NPLOC4: variants seen among roughly 807,000 people sequenced by gnomAD.
The protein encoded by NPLOC4 is nuclear protein localization protein 4 homolog.
In NPLOC4, 18 loss-of-function variants were observed where a neutral mutation model predicts 80.6. The ratio of observed to expected loss-of-function variants is 0.22; its 90% CI spans 0.15 to 0.33. The LOEUF is 0.33. Among genes scored for constraint, NPLOC4 ranks in the 10% least tolerant of loss-of-function variants. The pLI is 1.00. For synonymous variants in NPLOC4, 313 were observed against 301.5 expected, an observed-to-expected ratio of 1.04 and a Z score of -0.39; for missense variants, 540 against 786.1, an observed-to-expected ratio of 0.69 and a Z score of 3.74.
chr17:81,570,255 T>A (rs1253086414), intron 13 of NPLOC4, among the ~76,000 whole-genome samples: 1 of 152,240 alleles, frequency 6.6e-6, no homozygotes, highest in South Asian at 2.1e-4. Flanking sequence ...TTAGGGATCC[T>A]GGGCCTCACT....
At chr17:81,606,299 C>T (rs75697204) in intron 7 of NPLOC4, among the ~76,000 whole-genome samples, 7 of 152,190 alleles carry the variant, frequency 4.6e-5, no homozygotes, top group Non-Finnish European at 7.4e-5. Context: ...CCAGAAAGGC[C>T]GGAACGCTCC....
chr17:81,558,938 C>T lies in NPLOC4; in HGVS notation c.*321G>A, dbSNP rs550263435. On this transcript the variant is annotated 3_prime_UTR_variant, in exon 17 of 17. Coordinates refer to ENST00000331134, the MANE Select transcript of NPLOC4 (RefSeq NM_017921.4). ...GGCAGCATCGGCCCCTCCCTGTGCG[C>T]CCCAATTCCAGGTGCCACGTAGAGG... 47 of 246,124 alleles carry T rather than the reference C, an allele frequency of 1.9e-4. No individual in the cohort carries two copies. Among genetic ancestry groups the T allele is most frequent in the South Asian group, 2.4e-4 (2 of 8,184 alleles). 15.2% of individuals were successfully genotyped at this position (246,124 alleles called of 1,614,324 possible). A position where few individuals can be genotyped will look rare whatever the true frequency, so the allele number is the denominator to read the frequency against.
intron 1 of NPLOC4, among the ~76,000 whole-genome samples, chr17:81,635,218 C>G (rs114945751): frequency 6.6e-6 from 1 of 151,750 alleles, no homozygotes; most frequent in African/African-American, 2.4e-5. Flanking sequence ...TGGCGAGCAC[C>G]TGCAACCCCA....
At chr17:81,599,478 A>G (rs1215364599) in intron 9 of NPLOC4, among the ~76,000 whole-genome samples, 1 of 152,188 alleles carries the variant, frequency 6.6e-6, no homozygotes, top group African/African-American at 2.4e-5. Flanking sequence ...ACTCCTTGTT[A>G]GAAACAGGAT....
intron 16 of NPLOC4, chr17:81,564,704 T>C (rs76927892): frequency 0.14 from 21,596 of 151,520 alleles, 1,825 homozygotes; most frequent in Admixed American, 0.23. Context: ...AGGAGAATCG[T>C]TTGAACCCAG....
rs1461781548 is a variant in NPLOC4 at position 81,565,567 on chromosome 17, T to C, written c.1607A>G (p.Asn536Ser). 9.0e-6 allele frequency: 14 copies of C among 1,556,178 alleles called. No homozygotes were observed. The highest frequency in any genetic ancestry group is 1.2e-5 in the Non-Finnish European group (14 of 1,150,690). ...SLLLEAVRTRNEELAQTWKRS... is the reference protein window; with the variant it reads ...SLLLEAVRTRSEELAQTWKRS... ...CTTCCATGTCTGGGCGAGCTCCTCA[T>C]TTCTGGTCCGCACGGCCTCCAGCAG... The change falls in exon 16 of 17, where the codon AAT becomes AGT. Residue 536 changes from asparagine to serine, a missense_variant. Physicochemically the swap from Asn to Ser is conservative, Grantham distance 46. This residue lies in a region of NPLOC4 where 251 missense variants were observed against 377.5 expected (regional missense o/e 0.66). Coordinates refer to ENST00000331134, the MANE Select transcript of NPLOC4 (RefSeq NM_017921.4).
chr17:81,618,808 G>A (rs111812808), intron 3 of NPLOC4, among the ~76,000 whole-genome samples: 64,320 of 151,644 alleles, frequency 0.42, 14,695 homozygotes, highest in East Asian at 0.77. Flanking sequence ...TGGTTGCTGT[G>A]TCTGTGTAGA....
intron 13 of NPLOC4, among the ~76,000 whole-genome samples, chr17:81,571,774 G>A (rs141136290): frequency 8.5e-4 from 130 of 152,290 alleles, no homozygotes; most frequent in African/African-American, 2.9e-3. Flanking sequence ...CTAGGTTGAC[G>A]TCAAGGAAAT....
At position 81,558,258 on chromosome 17, in the gene NPLOC4, C is replaced by CA. The variant is rs2033711457; in HGVS notation, c.*1000dup. ...CAAGAGGCACAGCCCCTAACGCCCT[C>CA]AGCCAGGCGGTGCAGTGGGACGAAG... On this transcript the variant is annotated 3_prime_UTR_variant, in exon 17 of 17. Coordinates refer to ENST00000331134, the MANE Select transcript of NPLOC4 (RefSeq NM_017921.4). The CA allele has an allele frequency of 6.6e-6, 1 of 152,330 alleles. No individual in the cohort carries two copies. The highest frequency in any genetic ancestry group is 2.4e-5 in the African/African-American group (1 of 41,452). The allele number at this position is 152,330 out of a possible 1,614,324, so 9.4% of individuals were successfully genotyped here.
intron 8 of NPLOC4, among the ~76,000 whole-genome samples, chr17:81,602,894 T>C (rs931614353): frequency 6.6e-6 from 1 of 151,242 alleles, no homozygotes; most frequent in African/African-American, 2.4e-5. Flanking sequence ...TATATGTATA[T>C]ACACATACAT....
chr17:81,604,853 G>C (rs1208468362), intron 7 of NPLOC4, 126 bp from the exon 8 acceptor site: 3 of 830,310 alleles, frequency 3.6e-6, no homozygotes, highest in Non-Finnish European at 5.6e-6. Context: ...AATAGGGTGT[G>C]ATGGTGCATG....
chr17:81,605,280 CAAA>C (rs768829106), intron 7 of NPLOC4, among the ~76,000 whole-genome samples: 2 of 93,438 alleles, frequency 2.1e-5, no homozygotes, highest in Non-Finnish European at 2.6e-5. Flanking sequence ...AACTCCATCT[CAAA>C]AAAAAAAAAT....
intron 2 of NPLOC4, among the ~76,000 whole-genome samples, chr17:81,623,304 C>A (rs908191441): frequency 6.8e-6 from 1 of 146,684 alleles, no homozygotes; most frequent in African/African-American, 2.5e-5. Flanking sequence ...ACCGTCTCTA[C>A]TAAAAATACA....
At chr17:81,606,575 A>C (rs1002398368) in intron 7 of NPLOC4, 116 bp downstream of exon 7, 36 of 1,083,618 alleles carry the variant, frequency 3.3e-5, no homozygotes, top group Non-Finnish European at 4.7e-5. Context: ...GTCCATCAAA[A>C]AGTACTGAAA....
rs186290331 is a variant in NPLOC4, at chr17:81,622,536, C to T, written c.97-258G>A. On this transcript the variant is annotated intron_variant, in intron 2 of 16. Transcript: ENST00000331134. ...TTGTAAAACATTTAAGACTTTGAAG[C>T]AAACAAGAGTTAATGGCTATCCTTG... 1.7e-3 allele frequency among the ~76,000 whole-genome samples: 265 copies of T among 152,272 alleles called. 5 individuals are homozygous for T. Among genetic ancestry groups the T allele is most frequent in the Non-Finnish European group, 2.2e-4 (15 of 68,020 alleles).
Position 81,581,378 on chromosome 17 carries a change from T to TCAGG in NPLOC4, c.1281+7565_1281+7566insCCTG, listed in dbSNP as rs1568128891. Among the ~76,000 whole-genome samples the TCAGG allele has an allele frequency of 1.2e-4, 8 of 67,542 alleles. 3 individuals are homozygous for TCAGG. The highest frequency in any genetic ancestry group is 2.2e-4 in the African/African-American group (4 of 18,402). 44.3% of individuals were successfully genotyped at this position (67,542 alleles called of 152,430 possible). A position where few individuals can be genotyped will look rare whatever the true frequency, so the allele number is the denominator to read the frequency against. On this transcript the variant is annotated intron_variant, in intron 12 of 16. Transcript: ENST00000331134. ...AAAAAAAAAAAAAAAAAAAAAAAAG[T>TCAGG]TAATAAAATCACCATGTCACAAAAG...
rs1353265287 is a variant in NPLOC4 at position 81,605,848 on chromosome 17, G to A, written c.654+843C>T. The stretch of plus-strand genomic sequence containing the variant: ...TCTTTTTTTTTTTTTTTGAGACGGA[G>A]TCTCGCTCTGTCACCCAGGCTGGAG... On this transcript the variant is annotated intron_variant, in intron 7 of 16. Coordinates refer to ENST00000331134, the MANE Select transcript of NPLOC4 (RefSeq NM_017921.4). Among the ~76,000 whole-genome samples, 4 of 148,114 alleles carry A rather than the reference G, an allele frequency of 2.7e-5. No individual in the cohort carries two copies. In the East Asian group the frequency reaches 7.9e-4, roughly 29 times the overall value.
chr17:81,617,182 A>G (rs1050611628), intron 3 of NPLOC4, among the ~76,000 whole-genome samples: 1 of 152,206 alleles, frequency 6.6e-6, no homozygotes, highest in Non-Finnish European at 1.5e-5. Context: ...GTGGCAGCAG[A>G]GCAGAAACTA....
intron 12 of NPLOC4, among the ~76,000 whole-genome samples, chr17:81,585,589 T>G (rs546591806): frequency 1.4e-5 from 2 of 139,244 alleles, no homozygotes; most frequent in African/African-American, 5.6e-5. Flanking sequence ...AGAACTCAGG[T>G]GGCAGAGGTT....
Sources: gnomAD v4.1 joint callset for allele counts (sites outside exome capture counted in the v4.1 genomes callset) on GRCh38, gnomAD v4.1.1 for gene constraint, gnomAD v4.1.1 regional missense constraint, MANE v1.5 for transcripts, NCBI Gene and HGNC (gene_info 2026-07-23, HGNC 2026-07-21) for gene names.